The following SHANK1 variants were observed in gnomAD, a reference collection of about 807,000 sequenced individuals.
SHANK1 encodes the protein SH3 and multiple ankyrin repeat domains protein 1.
A neutral mutation model predicts 165.6 loss-of-function variants in SHANK1; 35 were observed. That is an observed-to-expected ratio of 0.21 (90% CI 0.16 to 0.28). SHANK1 has a LOEUF of 0.28. Among genes scored for constraint, SHANK1 ranks in the 10% least tolerant of loss-of-function variants. SHANK1 has a pLI of 1.00. For missense variants in SHANK1, 2,681 were observed against 3,036.4 expected, an observed-to-expected ratio of 0.88 and a Z score of 2.75; for synonymous variants, 1,428 against 1,384.8, an observed-to-expected ratio of 1.03 and a Z score of -0.69.
chr19:50,710,348 T>A (rs1485093555), intron 8 of SHANK1, among the ~76,000 whole-genome samples: 1 of 152,156 alleles, frequency 6.6e-6, no homozygotes, highest in Non-Finnish European at 1.5e-5. Flanking sequence ...CAGAGGGGGC[T>A]GAGGGCTGTT....
rs1599842796 is a variant in SHANK1, at chr19:50,670,239, A to G, written c.2675-954T>C. Among the ~76,000 whole-genome samples the G allele has an allele frequency of 6.6e-6, 1 of 152,246 alleles. No individual in the cohort carries two copies. Among genetic ancestry groups the G allele is most frequent in the South Asian group, 2.1e-4 (1 of 4,824 alleles). ...CAGCAGCTCTGTCCTTTCAGGTGCT[A>G]AGACTGAAAACCTTGCAGCCACTCT... On this transcript the variant is annotated intron_variant, in intron 22 of 23. Transcript: ENST00000293441. The surrounding 1 kb of genome is among the most constrained non-coding windows in gnomAD (Gnocchi z 4.1).
rs759400030 is a variant in SHANK1 at position 50,686,671 on chromosome 19, T to C, written c.2458+73A>G. 245 of 1,423,220 alleles carry C rather than the reference T, an allele frequency of 1.7e-4. 1 individual carries two copies. The highest frequency in any genetic ancestry group is 2.2e-4 in the Non-Finnish European group (225 of 1,016,280). 88.2% of individuals were successfully genotyped at this position (1,423,220 alleles called of 1,614,324 possible). A position where few individuals can be genotyped will look rare whatever the true frequency, so the allele number is the denominator to read the frequency against. On this transcript the variant is annotated intron_variant, in intron 20 of 23. Coordinates refer to ENST00000293441, the MANE Select transcript of SHANK1 (RefSeq NM_016148.5). This position sits in a 1 kb window ranked among gnomAD's most constrained non-coding sequence, Gnocchi z 5.7. ...AAGGTGAGGGGCGCCGTGGGGTTCATGGTGGGACAGGGATGCAGCGGGTGC... is the reference window on the plus strand; with the variant it reads ...AAGGTGAGGGGCGCCGTGGGGTTCACGGTGGGACAGGGATGCAGCGGGTGC...
intron 21 of SHANK1, among the ~76,000 whole-genome samples, chr19:50,678,367 G>A (rs1986047152): frequency 6.6e-6 from 1 of 152,024 alleles, no homozygotes. Flanking sequence ...GGAGAGGACA[G>A]CTGGGAGGAG....
At chr19:50,679,323 T>C (rs1183050748) in intron 21 of SHANK1, among the ~76,000 whole-genome samples, 2 of 150,838 alleles carry the variant, frequency 1.3e-5, no homozygotes, top group East Asian at 3.9e-4. Flanking sequence ...AGACGCCTCG[T>C]CAGATTTGCA....
intron 8 of SHANK1, 70 bp from the exon 9 acceptor site, chr19:50,704,584 A>C: frequency 7.3e-7 from 1 of 1,361,202 alleles, no homozygotes; most frequent in South Asian, 1.2e-5. Context: ...GAGTGGATGC[A>C]GGTTCTGTGC....
At position 50,661,843 on chromosome 19, in the gene SHANK1, G is replaced by T; in HGVS notation, c.*122C>A. On this transcript the variant is annotated 3_prime_UTR_variant, in exon 24 of 24. Coordinates refer to ENST00000293441, the MANE Select transcript of SHANK1 (RefSeq NM_016148.5). Reference sequence around the variant, plus strand: ...GTGACCTCTGGCCTTGGGAGATGAGGGCAGGGCGCAGTTTGAACAGAGTCC... The same window carrying T: ...GTGACCTCTGGCCTTGGGAGATGAGTGCAGGGCGCAGTTTGAACAGAGTCC... 8.8e-7 allele frequency: 1 copy of T among 1,137,728 alleles called. No individual in the cohort carries two copies. The highest frequency in any genetic ancestry group is 1.3e-6 in the Non-Finnish European group (1 of 783,052). The allele number at this position is 1,137,728 out of a possible 1,614,324, so 70.5% of individuals were successfully genotyped here.
chr19:50,665,782 C>A (rs1985471255), intron 23 of SHANK1, among the ~76,000 whole-genome samples: 1 of 144,324 alleles, frequency 6.9e-6, no homozygotes, highest in Non-Finnish European at 1.5e-5. Context: ...GCCTGTAATC[C>A]CAGCACTTTG....
intron 8 of SHANK1, among the ~76,000 whole-genome samples, chr19:50,709,018 G>C (rs1349837312): frequency 6.6e-6 from 1 of 152,236 alleles, no homozygotes; most frequent in African/African-American, 2.4e-5. Flanking sequence ...TAAAGCCTGG[G>C]AGGAAGACAA....
In SHANK1 at chr19:50,697,827, G is replaced by A. The variant is rs1022048339; in HGVS notation, c.1861+16C>T. ...ATCCTAGGGTCCATTGAACACTGCT[G>A]GGGGTTCCGCATTACCTTGCTTGCT... On this transcript the variant is annotated intron_variant, in intron 13 of 23. Coordinates refer to ENST00000293441, the MANE Select transcript of SHANK1 (RefSeq NM_016148.5). The surrounding 1 kb of genome is among the most constrained non-coding windows in gnomAD (Gnocchi z 4.7). 5 of 1,599,382 alleles carry A rather than the reference G, an allele frequency of 3.1e-6. No homozygotes were observed. The African/African-American group carries it at 6.7e-5, about 21-fold the overall frequency.
Position 50,716,362 on chromosome 19 carries a change from G to C in SHANK1, c.372C>G (p.Thr124=). 6.2e-7 allele frequency: 1 copy of C among 1,614,228 alleles called. No individual in the cohort carries two copies. The highest frequency in any genetic ancestry group is 8.5e-7 in the Non-Finnish European group (1 of 1,180,038). The part of the protein sequence containing the change: ...VLNYGLFQPA[T]SGRDANFLEE... Reference sequence around the variant, plus strand: ...CCAGGAAGTTGGCATCGCGGCCGGAGGTGGCCGGTTGGAACAGGCCATAGT... The same window carrying C: ...CCAGGAAGTTGGCATCGCGGCCGGACGTGGCCGGTTGGAACAGGCCATAGT... The change falls in exon 3 of 24, where the codon ACC becomes ACG. Residue 124 remains threonine, a synonymous_variant. Coordinates refer to ENST00000293441, the MANE Select transcript of SHANK1 (RefSeq NM_016148.5). The surrounding 1 kb of genome is among the most constrained non-coding windows in gnomAD (Gnocchi z 8.4).
In SHANK1 at chr19:50,668,321, G is replaced by C; in HGVS notation, c.3639C>G (p.Pro1213=). 7.8e-7 allele frequency: 1 copy of C among 1,275,200 alleles called. No individual in the cohort carries two copies. Among genetic ancestry groups the C allele is most frequent in the Non-Finnish European group, 9.9e-7 (1 of 1,014,002 alleles). The allele number at this position is 1,275,200 out of a possible 1,614,324, so 79.0% of individuals were successfully genotyped here. The part of the protein sequence containing the change: ...AMSPVPPSPS[P]VPTPASPSGP... The stretch of plus-strand genomic sequence containing the variant: ...CGCTGGGCGAGGCGGGGGTGGGCAC[G>C]GGCGAGGGGGACGGGGGCACGGGTG... The change falls in exon 23 of 24, where the codon CCC becomes CCG. Residue 1213 remains proline, a synonymous_variant. Transcript: ENST00000293441.
chr19:50,685,380 C>T (rs1041107556), intron 21 of SHANK1, among the ~76,000 whole-genome samples: 4 of 152,192 alleles, frequency 2.6e-5, no homozygotes, highest in Non-Finnish European at 5.9e-5. Context: ...AATGGGCTAA[C>T]AACCTCGTGT....
At chr19:50,704,583 C>A in intron 8 of SHANK1, 69 bp from the exon 9 acceptor site, 1 of 1,372,500 alleles carries the variant, frequency 7.3e-7, no homozygotes, top group Non-Finnish European at 1.0e-6. Context: ...TGAGTGGATG[C>A]AGGTTCTGTG....
intron 21 of SHANK1, among the ~76,000 whole-genome samples, chr19:50,684,316 C>T (rs1464197253): frequency 1.3e-5 from 2 of 152,020 alleles, no homozygotes; most frequent in African/African-American, 2.4e-5. Flanking sequence ...ACCCCCGCCT[C>T]GCGGGTTCAA....
In SHANK1 at chr19:50,704,289, C is replaced by T. The variant is rs77136946; in HGVS notation, c.1156-103G>A. 2.1e-3 allele frequency: 2,792 copies of T among 1,340,942 alleles called. 70 individuals are homozygous for T. In the East Asian group the frequency reaches 0.047, roughly 22 times the overall value. 83.1% of individuals were successfully genotyped at this position (1,340,942 alleles called of 1,614,324 possible). ...CTGGCCCGACCCAAACCTTCCACTCCGACAATGCCGCCCTCTGTCTTCTTC... is the reference window on the plus strand; with the variant it reads ...CTGGCCCGACCCAAACCTTCCACTCTGACAATGCCGCCCTCTGTCTTCTTC... On this transcript the variant is annotated intron_variant, in intron 9 of 23. Transcript: ENST00000293441.
rs10404678 is a variant in SHANK1 at position 50,718,043 on chromosome 19, A to G, written c.-43-1081T>C. Among the ~76,000 whole-genome samples the G allele has an allele frequency of 6.6e-6, 1 of 151,820 alleles. No individual in the cohort carries two copies. Among genetic ancestry groups the G allele is most frequent in the Non-Finnish European group, 1.5e-5 (1 of 67,954 alleles). ...AATGTCTGGTCTGGTCCCTCCCCCC[A>G]ACACCAGGCCCGGTTCCTGCACCGT... On this transcript the variant is annotated intron_variant, in intron 1 of 23. Transcript: ENST00000293441. The surrounding 1 kb of genome is among the most constrained non-coding windows in gnomAD (Gnocchi z 5.1).
chr19:50,707,748 C>T (rs2088956583), intron 8 of SHANK1, among the ~76,000 whole-genome samples: 1 of 151,942 alleles, frequency 6.6e-6, no homozygotes, highest in Non-Finnish European at 1.5e-5. Context: ...AGTCACACAT[C>T]GGGCAGCAGA....
chr19:50,666,873 G>T lies in SHANK1; in HGVS notation c.5087C>A (p.Thr1696Lys). The change falls in exon 23 of 24, where the codon ACG becomes AAG. Residue 1696 changes from threonine (T) to lysine (K), a missense_variant. Physicochemically the swap from Thr to Lys is moderately conservative, Grantham distance 78. Transcript: ENST00000293441. ...HPLETISSAS[T>K]LSSLSAEGGG... The stretch of plus-strand genomic sequence containing the variant: ...ACCTTCGGCAGATAGGCTGCTCAGC[G>T]TGGAGGCGCTGCTGATGGTCTCCAG... 6.3e-7 allele frequency: 1 copy of T among 1,578,728 alleles called. No individual in the cohort carries two copies. Among genetic ancestry groups the T allele is most frequent in the Non-Finnish European group, 8.6e-7 (1 of 1,164,026 alleles).
At chr19:50,675,100 T>A (rs1485214619) in intron 21 of SHANK1, among the ~76,000 whole-genome samples, 7 of 147,466 alleles carry the variant, frequency 4.7e-5, no homozygotes, top group Non-Finnish European at 7.4e-5. Flanking sequence ...CCAGGCATAG[T>A]AGCACATGCC....
Sources: gnomAD v4.1 joint callset for allele counts (sites outside exome capture counted in the v4.1 genomes callset) on GRCh38, gnomAD v4.1.1 for gene constraint, Gnocchi (gnomAD v3.1) non-coding constraint, MANE v1.5 for transcripts, NCBI Gene and HGNC (gene_info 2026-07-23, HGNC 2026-07-21) for gene names.